The following GSPT1 variants were observed in gnomAD, a reference collection of about 807,000 sequenced individuals.
GSPT1 encodes G1 to S phase transition 1, also known as eukaryotic peptide chain release factor GTP-binding subunit ERF3A.
GSPT1 carries 20 observed loss-of-function variants against 72.5 expected under a neutral mutation model. That is an observed-to-expected ratio of 0.28 (90% CI 0.19 to 0.40). GSPT1 has a LOEUF of 0.40. Among genes scored for constraint, GSPT1 ranks in the 10% least tolerant of loss-of-function variants. GSPT1 has a pLI of 1.00. For missense variants in GSPT1, 580 were observed against 811.9 expected (o/e 0.71, Z 3.47); for synonymous variants, 334 against 293.5 (o/e 1.14, Z -1.41).
chr16:11,888,238 G>A (rs970216696), intron 6 of GSPT1, among the ~76,000 whole-genome samples: 1 of 152,188 alleles, frequency 6.6e-6, no homozygotes, highest in African/African-American at 2.4e-5. Context: ...GGCCGAGGCT[G>A]GCAGATCACC....
At chr16:11,916,031 G>A (rs1400215115), upstream of GSPT1, 4 of 645,500 alleles carry the variant, frequency 6.2e-6, no homozygotes, top group East Asian at 3.4e-5. Flanking sequence ...ACCCCTCGCC[G>A]CCACCCGTAC....
At chr16:11,904,631 C>T (rs764946796) in intron 1 of GSPT1, among the ~76,000 whole-genome samples, 16 of 151,710 alleles carry the variant, frequency 1.1e-4, no homozygotes, top group Non-Finnish European at 2.1e-4. Flanking sequence ...TCACAGCATA[C>T]GTCAGTCAAG....
At chr16:11,909,648 G>T (rs1157608626) in intron 1 of GSPT1, among the ~76,000 whole-genome samples, 1 of 152,188 alleles carries the variant, frequency 6.6e-6, no homozygotes, top group Non-Finnish European at 1.5e-5. Flanking sequence ...AACTTGGCCA[G>T]GCACAGTGGC....
At position 11,871,211 on chromosome 16, in the gene GSPT1, A is replaced by G. The variant is rs1210981689; in HGVS notation, c.*1908T>C. On this transcript the variant is annotated 3_prime_UTR_variant, in exon 15 of 15. Transcript: ENST00000434724. ...TATAGTTTTAAGAATCTGTAGGACAATAACTTTGCTCTGTCCATAAGATGT... is the reference window on the plus strand; with the variant it reads ...TATAGTTTTAAGAATCTGTAGGACAGTAACTTTGCTCTGTCCATAAGATGT... 6.6e-6 allele frequency: 1 copy of G among 152,206 alleles called. No individual in the cohort carries two copies. Among genetic ancestry groups the G allele is most frequent in the African/African-American group, 2.4e-5 (1 of 41,446 alleles). The allele number at this position is 152,206 out of a possible 1,614,324, so 9.4% of individuals were successfully genotyped here. A position where few individuals can be genotyped will look rare whatever the true frequency, so the allele number is the denominator to read the frequency against.
intron 11 of GSPT1, among the ~76,000 whole-genome samples, chr16:11,880,437 T>C (rs1274814840): frequency 1.3e-5 from 2 of 152,212 alleles, no homozygotes; most frequent in African/African-American, 4.8e-5. Context: ...TGACCAACAG[T>C]GCACAAGGGT....
intron 6 of GSPT1, among the ~76,000 whole-genome samples, chr16:11,890,044 T>A (rs2054239031): frequency 6.6e-6 from 1 of 151,210 alleles, no homozygotes; most frequent in African/African-American, 2.4e-5. Flanking sequence ...CACTGCAACC[T>A]CCGCCTCCCG....
At position 11,915,673 on chromosome 16, in the gene GSPT1, C is replaced by CTGCCGCTGCTGCTCCCG; in HGVS notation, c.47_48insCGGGAGCAGCAGCGGCA (p.Ser17GlyfsTer136). ...CGCTGCTGCTGCTGCCGCTGCTGCT[C>CTGCCGCTGCTGCTCCCG]CCGCCGCCGCCGCCGCCGCCGCCGC... is the stretch of plus-strand genomic sequence containing the variant. On this transcript the variant is annotated frameshift_variant, in exon 1 of 15. Coordinates refer to ENST00000434724, the MANE Select transcript of GSPT1 (RefSeq NM_002094.4). LOFTEE classifies it high-confidence loss of function. 4 of 1,471,626 alleles carry CTGCCGCTGCTGCTCCCG rather than the reference C, an allele frequency of 2.7e-6. No homozygotes were observed. Among genetic ancestry groups the CTGCCGCTGCTGCTCCCG allele is most frequent in the Admixed American group, 2.4e-5 (1 of 41,668 alleles). 91.2% of individuals were successfully genotyped at this position (1,471,626 alleles called of 1,614,324 possible). A position where few individuals can be genotyped will look rare whatever the true frequency, so the allele number is the denominator to read the frequency against.
At chr16:11,888,264 G>A (rs541827373) in intron 6 of GSPT1, among the ~76,000 whole-genome samples, 1 of 152,216 alleles carries the variant, frequency 6.6e-6, no homozygotes, top group East Asian at 1.9e-4. Context: ...TCAGGAGTTC[G>A]AGACTAGCCT....
chr16:11,916,095 C>T (rs1051610661), upstream of GSPT1: 77 of 485,820 alleles, frequency 1.6e-4, no homozygotes, highest in East Asian at 4.0e-4. Context: ...CTATTTAGCG[C>T]GGCGGGAGGT....
Position 11,889,033 on chromosome 16 carries a change from A to G in GSPT1, c.777-1283T>C, listed in dbSNP as rs371220286. On this transcript the variant is annotated intron_variant, in intron 6 of 14. Coordinates refer to ENST00000434724, the MANE Select transcript of GSPT1 (RefSeq NM_002094.4). The stretch of plus-strand genomic sequence containing the variant: ...GTAATAATAAAACTTTTTTGGATGG[A>G]TGCTGTGGCTCACGCCTGTAATTTC... Among the ~76,000 whole-genome samples, 17 of 152,090 alleles carry G rather than the reference A, an allele frequency of 1.1e-4. No homozygotes were observed. In the East Asian group the frequency reaches 3.1e-3, roughly 28 times the overall value.
Position 11,915,525 on chromosome 16 carries a change from T to C in GSPT1, c.196A>G (p.Ser66Gly), listed in dbSNP as rs773900674. 7.5e-5 allele frequency: 114 copies of C among 1,524,924 alleles called. No homozygotes were observed. In the Middle Eastern group the frequency reaches 2.6e-3, roughly 34 times the overall value. The allele number at this position is 1,524,924 out of a possible 1,614,324, so 94.5% of individuals were successfully genotyped here. Residue 66 changes from serine (S) to glycine (G), a missense_variant, in exon 1 of 15, where the codon AGC becomes GGC. By Grantham distance (56) the Ser-to-Gly change is moderately conservative (BLOSUM62 0). Coordinates refer to ENST00000434724, the MANE Select transcript of GSPT1 (RefSeq NM_002094.4). Reference sequence around the variant, plus strand: ...TTGGCGTTGACGTTGAGTTGCCGGCTGAAGGCCGCGCTGAGGTTCTCCCGC... The same window carrying C: ...TTGGCGTTGACGTTGAGTTGCCGGCCGAAGGCCGCGCTGAGGTTCTCCCGC... ...AQRENLSAAF[S>G]RQLNVNAKPF...
In GSPT1 at chr16:11,891,087, C is replaced by A; in HGVS notation, c.751G>T (p.Ala251Ser). ...CAAGTTTCTCTGTTTTTCTCTTTAGCTTCTCTTTCATACTTTTCAAGCGTC... is the reference window on the plus strand; with the variant it reads ...CAAGTTTCTCTGTTTTTCTCTTTAGATTCTCTTTCATACTTTTCAAGCGTC... ...KRTLEKYEREAKEKNRETWYL... is the reference protein window; with the variant it reads ...KRTLEKYERESKEKNRETWYL... Residue 251 changes from alanine (A) to serine (S), a missense_variant, in exon 6 of 15, where the codon GCT becomes TCT. By Grantham distance (99) the Ala-to-Ser change is moderately conservative. Transcript: ENST00000434724. 6.7e-7 allele frequency: 1 copy of A among 1,494,078 alleles called. No individual in the cohort carries two copies. Among genetic ancestry groups the A allele is most frequent in the South Asian group, 1.3e-5 (1 of 79,632 alleles). The allele number at this position is 1,494,078 out of a possible 1,614,324, so 92.6% of individuals were successfully genotyped here. A position where few individuals can be genotyped will look rare whatever the true frequency, so the allele number is the denominator to read the frequency against.
chr16:11,874,709 A>C (rs1359620836), intron 14 of GSPT1, among the ~76,000 whole-genome samples: 1 of 152,092 alleles, frequency 6.6e-6, no homozygotes, highest in Non-Finnish European at 1.5e-5. Flanking sequence ...AATTTCATCC[A>C]ATGTAAAGTT....
chr16:11,891,225 T>C, intron 5 of GSPT1, 86 bp from the exon 6 acceptor site: 3 of 630,762 alleles, frequency 4.8e-6, no homozygotes, highest in Non-Finnish European at 8.0e-6. Context: ...TTGTCGAAAA[T>C]TTCAACGTCA....
Position 11,870,145 on chromosome 16 carries a change from C to T in GSPT1, c.*2974G>A, listed in dbSNP as rs1347559642. On this transcript the variant is annotated 3_prime_UTR_variant, in exon 15 of 15. Coordinates refer to ENST00000434724, the MANE Select transcript of GSPT1 (RefSeq NM_002094.4). ...AAAAAAAAATACATGGGCTTAATTA[C>T]TCAGTAACACTTTACTATTTGTCAC... 3 of 151,964 alleles carry T rather than the reference C, an allele frequency of 2.0e-5. No individual in the cohort carries two copies. Among genetic ancestry groups the T allele is most frequent in the African/African-American group, 7.2e-5 (3 of 41,388 alleles). 9.4% of individuals were successfully genotyped at this position (151,964 alleles called of 1,614,324 possible).
Position 11,877,589 on chromosome 16 carries a change from G to T in GSPT1, c.1429-9C>A. 1 of 1,568,150 alleles carries T rather than the reference G, an allele frequency of 6.4e-7. No homozygotes were observed. Among genetic ancestry groups the T allele is most frequent in the Non-Finnish European group, 8.6e-7 (1 of 1,157,138 alleles). ...AGAACTTCCACGTTGTGCTTTAAAA[G>T]AAAACAAGACTGGAGGTTTTCTGAC... On this transcript the variant is annotated splice_polypyrimidine_tract_variant and intron_variant, in intron 11 of 14. Transcript: ENST00000434724. The surrounding 1 kb of genome is among the most constrained non-coding windows in gnomAD (Gnocchi z 4.0).
chr16:11,890,355 A>G (rs915199774), intron 6 of GSPT1, among the ~76,000 whole-genome samples: 1 of 152,320 alleles, frequency 6.6e-6, no homozygotes, highest in South Asian at 2.1e-4. Context: ...GTTACTTGCT[A>G]AAAATTGCTT....
In GSPT1 at chr16:11,891,320, T is replaced by C. The variant is rs191497132; in HGVS notation, c.699-181A>G. 2.9e-4 allele frequency among the ~76,000 whole-genome samples: 42 copies of C among 146,882 alleles called. 1 individual carries two copies. Among genetic ancestry groups the C allele is most frequent in the Admixed American group, 6.1e-4 (9 of 14,694 alleles). ...ATATATAACATATTTTTATATAAAA[T>C]ATATTACACATTTTTATATAAAATA... On this transcript the variant is annotated intron_variant, in intron 5 of 14. Coordinates refer to ENST00000434724, the MANE Select transcript of GSPT1 (RefSeq NM_002094.4).
chr16:11,873,544 C>T (rs1252136011), intron 14 of GSPT1, among the ~76,000 whole-genome samples: 1 of 152,108 alleles, frequency 6.6e-6, no homozygotes, highest in Non-Finnish European at 1.5e-5. Context: ...CTCCTGACCT[C>T]AGGTGATCCA....
Sources: gnomAD v4.1 joint callset for allele counts (sites outside exome capture counted in the v4.1 genomes callset) on GRCh38, gnomAD v4.1.1 for gene constraint, Gnocchi (gnomAD v3.1) non-coding constraint, MANE v1.5 for transcripts, NCBI Gene and HGNC (gene_info 2026-07-23, HGNC 2026-07-21) for gene names.